The following ZFAND3 variants were observed in gnomAD, a reference collection of about 807,000 sequenced individuals.
ZFAND3 encodes zinc finger AN1-type containing 3, also known as AN1-type zinc finger protein 3.
In ZFAND3, 10 loss-of-function variants were observed where a neutral mutation model predicts 29.6. The observed-to-expected ratio is 0.34, with a 90% confidence interval of 0.21 to 0.57. The LOEUF (loss-of-function observed/expected upper bound fraction) is 0.57, where lower values mean the gene tolerates loss of function less well. ZFAND3 is among the 20% of genes least tolerant of loss of function. ZFAND3 has a pLI of 0.86. For missense variants in ZFAND3, 230 were observed against 304.5 expected (o/e 0.76, Z 1.82); for synonymous variants, 128 against 112.6 (o/e 1.14, Z -0.87).
intron 5 of ZFAND3, among the ~76,000 whole-genome samples, chr6:38,129,153 T>C (rs1386110888): frequency 1.3e-5 from 2 of 152,170 alleles, no homozygotes; most frequent in African/African-American, 4.8e-5. Flanking sequence ...CTATTCATGT[T>C]CTTAGCCCAC....
At chr6:37,880,339 C>G (rs1764868886) in intron 1 of ZFAND3, among the ~76,000 whole-genome samples, 1 of 152,188 alleles carries the variant, frequency 6.6e-6, no homozygotes, top group Non-Finnish European at 1.5e-5. Context: ...CTAAAAATTA[C>G]TTTGTTCTGG....
chr6:38,052,869 C>G (rs1764053373), intron 2 of ZFAND3, among the ~76,000 whole-genome samples: 1 of 151,750 alleles, frequency 6.6e-6, no homozygotes, highest in Non-Finnish European at 1.5e-5. Flanking sequence ...GAAACCTTGT[C>G]TCTACTAAAA....
At chr6:37,940,911 G>GA (rs1399889991) in intron 2 of ZFAND3, among the ~76,000 whole-genome samples, 1 of 152,080 alleles carries the variant, frequency 6.6e-6, no homozygotes, top group African/African-American at 2.4e-5. Flanking sequence ...TAGTTTTTGT[G>GA]AAAAAAGAGA....
intron 3 of ZFAND3, among the ~76,000 whole-genome samples, chr6:38,076,445 G>T (rs1368166649): frequency 6.6e-6 from 1 of 152,052 alleles, no homozygotes; most frequent in Non-Finnish European, 1.5e-5. Context: ...AGGTGGAGTG[G>T]TAATACGATT....
At chr6:37,977,892 C>G (rs1762515939) in intron 2 of ZFAND3, among the ~76,000 whole-genome samples, 1 of 127,974 alleles carries the variant, frequency 7.8e-6, no homozygotes, top group African/African-American at 2.9e-5. Flanking sequence ...TCCTTTCTCT[C>G]CTCTCCTCTC....
chr6:38,070,013 T>C (rs1177019646), intron 3 of ZFAND3, among the ~76,000 whole-genome samples: 1 of 152,218 alleles, frequency 6.6e-6, no homozygotes, highest in Non-Finnish European at 1.5e-5. Context: ...CATGAAAATA[T>C]TCTAACGTCA....
intron 2 of ZFAND3, among the ~76,000 whole-genome samples, chr6:38,051,569 T>G (rs1391759067): frequency 6.6e-6 from 1 of 152,206 alleles, no homozygotes; most frequent in African/African-American, 2.4e-5. Context: ...GGATCAACTG[T>G]AAACAAAGAG....
chr6:37,927,435 C>CAG (rs1260181865), intron 1 of ZFAND3, among the ~76,000 whole-genome samples: 1 of 152,198 alleles, frequency 6.6e-6, no homozygotes, highest in Non-Finnish European at 1.5e-5. Flanking sequence ...CTGGCCCCTT[C>CAG]AGAGAAGTTG....
chr6:37,958,394 C>T (rs7765448), intron 2 of ZFAND3, among the ~76,000 whole-genome samples: 1 of 141,432 alleles, frequency 7.1e-6, no homozygotes, highest in Non-Finnish European at 1.5e-5. Context: ...GTGGAGGTTA[C>T]AGTGAGCTGA....
At chr6:37,860,637 G>GTTTTTTTTTTTTTTTTTTTT (rs58902274) in intron 1 of ZFAND3, among the ~76,000 whole-genome samples, 1 of 97,244 alleles carries the variant, frequency 1.0e-5, no homozygotes, top group Non-Finnish European at 2.1e-5. Context: ...TATTCACTTA[G>GTTTTTTTTTTTTTTTTTTTT]TTTTTTTTTT....
At chr6:38,004,534 TACACACAC>T (rs56068930) in intron 2 of ZFAND3, among the ~76,000 whole-genome samples, 69 of 147,438 alleles carry the variant, frequency 4.7e-4, no homozygotes, top group South Asian at 1.3e-3. Flanking sequence ...TAAAGCTGTC[TACACACAC>T]ACACACACAC....
At chr6:37,989,505 G>A (rs1027861625) in intron 2 of ZFAND3, among the ~76,000 whole-genome samples, 2 of 152,116 alleles carry the variant, frequency 1.3e-5, no homozygotes, top group African/African-American at 2.4e-5. Flanking sequence ...GATCCCATTC[G>A]TAAGAACTCT....
In ZFAND3 at chr6:37,931,052, T is replaced by C. The variant is rs146923291; in HGVS notation, c.112+1053T>C. Among the ~76,000 whole-genome samples, 1,326 of 152,284 alleles carry C rather than the reference T, an allele frequency of 8.7e-3. 12 individuals are homozygous for C. The highest frequency in any genetic ancestry group is 0.03 in the South Asian group (145 of 4,824). ...AGAATTTAAAAAGATTGGTAAAATATGGTGATTAGGCCAGCTGTGCCTGTT... is the reference window on the plus strand; with the variant it reads ...AGAATTTAAAAAGATTGGTAAAATACGGTGATTAGGCCAGCTGTGCCTGTT... On this transcript the variant is annotated intron_variant, in intron 2 of 5. Transcript: ENST00000287218.
chr6:38,128,032 T>A (rs1765669205), intron 5 of ZFAND3, among the ~76,000 whole-genome samples: 1 of 152,236 alleles, frequency 6.6e-6, no homozygotes, highest in Non-Finnish European at 1.5e-5. Context: ...GTTCAGCCTC[T>A]AAAACCTTGC....
chr6:38,079,692 A>G (rs545347320), intron 3 of ZFAND3, among the ~76,000 whole-genome samples: 1 of 152,190 alleles, frequency 6.6e-6, no homozygotes, highest in Non-Finnish European at 1.5e-5. Context: ...TGTGCAGCTC[A>G]TGGTGTTATG....
intron 2 of ZFAND3, among the ~76,000 whole-genome samples, chr6:37,971,588 T>A (rs1274858250): frequency 6.6e-6 from 1 of 152,190 alleles, no homozygotes; most frequent in Non-Finnish European, 1.5e-5. Context: ...AAGCAATGCT[T>A]GCTTTCCATA....
intron 1 of ZFAND3, among the ~76,000 whole-genome samples, chr6:37,843,486 C>CA (rs759748886): frequency 0.015 from 1,700 of 113,800 alleles, 13 homozygotes; most frequent in South Asian, 0.04. Flanking sequence ...GACTCCGTCT[C>CA]AAAAAAAAAA....
intron 2 of ZFAND3, among the ~76,000 whole-genome samples, chr6:38,030,054 A>ATATATATG (rs1163301058): frequency 9.4e-3 from 9 of 960 alleles, no homozygotes; most frequent in African/African-American, 0.02. Flanking sequence ...TCTGCTGGAT[A>ATATATATG]TATATATATA....
In ZFAND3 at chr6:37,978,363, A is replaced by G. The variant is rs558214348; in HGVS notation, c.112+48364A>G. On this transcript the variant is annotated intron_variant, in intron 2 of 5. Coordinates refer to ENST00000287218, the MANE Select transcript of ZFAND3 (RefSeq NM_021943.3). ...TTTTGCTTAGAATTTTTGCATCTACATTTCATCATGGATGTTGGTCTGTAG... is the reference window on the plus strand; with the variant it reads ...TTTTGCTTAGAATTTTTGCATCTACGTTTCATCATGGATGTTGGTCTGTAG... 4.6e-5 allele frequency among the ~76,000 whole-genome samples: 7 copies of G among 152,162 alleles called. 1 individual carries two copies. In the South Asian group the frequency reaches 1.5e-3, roughly 32 times the overall value.
Sources: gnomAD v4.1 joint callset for allele counts (sites outside exome capture counted in the v4.1 genomes callset) on GRCh38, gnomAD v4.1.1 for gene constraint, MANE v1.5 for transcripts, NCBI Gene and HGNC (gene_info 2026-07-23, HGNC 2026-07-21) for gene names.